The following CRACDL variants were observed in gnomAD, a reference collection of about 807,000 sequenced individuals.
The protein encoded by CRACDL is CRACD-like protein.
CRACDL carries 26 observed loss-of-function variants against 70.6 expected under a neutral mutation model. The observed-to-expected ratio is 0.37, with a 90% CI of 0.27 to 0.51. The LOEUF is 0.51. Among genes scored for constraint, CRACDL ranks in the 20% least tolerant of loss-of-function variants. The pLI is 0.94. For missense variants in CRACDL, 1,283 were observed against 1,376.9 expected (o/e 0.93, Z 1.08); for synonymous variants, 618 against 615.2 (o/e 1.00, Z -0.07).
chr2:98,924,131 C>T (rs960937499), intron 1 of CRACDL, among the ~76,000 whole-genome samples: 1 of 152,210 alleles, frequency 6.6e-6, no homozygotes, highest in Non-Finnish European at 1.5e-5. Flanking sequence ...GTTAATTATG[C>T]TGGCACATGG....
chr2:98,833,973 C>G (rs1173515104), intron 3 of CRACDL, among the ~76,000 whole-genome samples: 2 of 152,232 alleles, frequency 1.3e-5, no homozygotes, highest in Non-Finnish European at 2.9e-5. Flanking sequence ...TCTAATTAAA[C>G]TCTCACGCCT....
intron 1 of CRACDL, among the ~76,000 whole-genome samples, chr2:98,910,860 A>G (rs1439838520): frequency 6.6e-6 from 1 of 152,240 alleles, no homozygotes; most frequent in Admixed American, 6.5e-5. Flanking sequence ...GGGTGACAGG[A>G]GGATTAAATG....
chr2:98,829,464 A>G (rs1160996854), intron 5 of CRACDL, among the ~76,000 whole-genome samples: 1 of 152,092 alleles, frequency 6.6e-6, no homozygotes, highest in East Asian at 1.9e-4. Context: ...TTGATCAGTG[A>G]TGTAACTACG....
At position 98,838,187 on chromosome 2, in the gene CRACDL, A is replaced by C. The variant is rs1422357804; in HGVS notation, c.171T>G (p.Ser57Arg). 3 of 1,613,890 alleles carry C rather than the reference A, an allele frequency of 1.9e-6. No homozygotes were observed. The highest frequency in any genetic ancestry group is 2.5e-6 in the Non-Finnish European group (3 of 1,179,936). The change falls in exon 3 of 10, where the codon AGT becomes AGG. Residue 57 changes from serine to arginine, a missense_variant. Transcript: ENST00000397899. The part of the protein sequence containing the change: ...SSTGSSTWKQ[S>R]QTRNEVIAIE... The stretch of plus-strand genomic sequence containing the variant: ...TGGCAATGACCTCATTCCTCGTCTG[A>C]CTTTGTTTCCAGGTGCTACTTCCTG...
intron 7 of CRACDL, among the ~76,000 whole-genome samples, chr2:98,810,553 A>G (rs1704511051): frequency 1.3e-5 from 2 of 152,106 alleles, no homozygotes. Flanking sequence ...CATTAGGATG[A>G]CCAGAACTTG....
At chr2:98,795,071 A>AT (rs1391098955) in intron 9 of CRACDL, among the ~76,000 whole-genome samples, 4 of 22,394 alleles carry the variant, frequency 1.8e-4, no homozygotes, top group African/African-American at 3.4e-4. Flanking sequence ...ATATATATAT[A>AT]TATATATTTT....
At chr2:98,909,888 A>G (rs997991361) in intron 1 of CRACDL, among the ~76,000 whole-genome samples, 1 of 152,228 alleles carries the variant, frequency 6.6e-6, no homozygotes, top group Non-Finnish European at 1.5e-5. Flanking sequence ...AGCCAACAAC[A>G]AAAGGAATGG....
At chr2:98,807,606 C>A (rs1476372280) in intron 7 of CRACDL, among the ~76,000 whole-genome samples, 1 of 152,264 alleles carries the variant, frequency 6.6e-6, no homozygotes, top group East Asian at 1.9e-4. Context: ...CTCTCCTCCA[C>A]AGTTTACTAG....
chr2:98,852,992 G>A (rs866904321), intron 1 of CRACDL, among the ~76,000 whole-genome samples: 20 of 109,828 alleles, frequency 1.8e-4, no homozygotes, highest in African/African-American at 3.4e-4. Context: ...AGAGAGAGAG[G>A]GAGGAGAGGG....
At chr2:98,907,053 A>T (rs946295157) in intron 1 of CRACDL, among the ~76,000 whole-genome samples, 12 of 152,286 alleles carry the variant, frequency 7.9e-5, no homozygotes, top group Admixed American at 5.2e-4. Flanking sequence ...GCACTTTAGG[A>T]GGCCGAGGTG....
intron 7 of CRACDL, among the ~76,000 whole-genome samples, chr2:98,816,048 G>T (rs188372894): frequency 3.5e-5 from 5 of 143,606 alleles, no homozygotes; most frequent in Non-Finnish European, 6.4e-5. Flanking sequence ...GGCTGGTGGT[G>T]GGGGGGTGCA....
At chr2:98,811,469 C>CA (rs1208627670) in intron 7 of CRACDL, among the ~76,000 whole-genome samples, 1 of 141,646 alleles carries the variant, frequency 7.1e-6, no homozygotes, top group Non-Finnish European at 1.5e-5. Flanking sequence ...AAGATCATGC[C>CA]ACTGCACTCC....
In CRACDL at chr2:98,794,254, A is replaced by C; in HGVS notation, c.*278T>G. ...CTTCCTTGTCTGAGGCTTCTTTATCAAGGGAATTCGAAAAGACACATTCGT... is the reference window on the plus strand; with the variant it reads ...CTTCCTTGTCTGAGGCTTCTTTATCCAGGGAATTCGAAAAGACACATTCGT... On this transcript the variant is annotated 3_prime_UTR_variant, in exon 10 of 10. Coordinates refer to ENST00000397899, the MANE Select transcript of CRACDL (RefSeq NM_207362.3). The C allele has an allele frequency of 3.3e-6, 1 of 298,834 alleles. No individual in the cohort carries two copies. The allele number at this position is 298,834 out of a possible 1,614,324, so 18.5% of individuals were successfully genotyped here.
At position 98,794,585 on chromosome 2, in the gene CRACDL, G is replaced by A. The variant is rs1285591127; in HGVS notation, c.2836C>T (p.Leu946Phe). The A allele has an allele frequency of 6.2e-7, 1 of 1,613,830 alleles. No homozygotes were observed. The highest frequency in any genetic ancestry group is 8.5e-7 in the Non-Finnish European group (1 of 1,179,724). Residue 946 changes from leucine to phenylalanine, a missense_variant, in exon 10 of 10, where the codon CTT becomes TTT. Leu to Phe is a conservative substitution (Grantham distance 22). Coordinates refer to ENST00000397899, the MANE Select transcript of CRACDL (RefSeq NM_207362.3). ...ASTDQPSWME[L>F]ARKKSQAWSD... ...CAAGCTTGAGATTTCTTTCTGGCAA[G>A]TTCCATCCAGGATGGCTGATCTGTA...
chr2:98,801,032 G>T (rs1206281202), intron 7 of CRACDL, among the ~76,000 whole-genome samples: 1 of 152,168 alleles, frequency 6.6e-6, no homozygotes, highest in Non-Finnish European at 1.5e-5. Context: ...GTGGGATAAG[G>T]TAACCTGCAA....
At chr2:98,901,035 T>C (rs1358008912) in intron 1 of CRACDL, among the ~76,000 whole-genome samples, 1 of 152,156 alleles carries the variant, frequency 6.6e-6, no homozygotes, top group Non-Finnish European at 1.5e-5. Flanking sequence ...CTGCAAGCAA[T>C]GGGGTTGGCG....
At chr2:98,907,631 G>A (rs1419082853) in intron 1 of CRACDL, among the ~76,000 whole-genome samples, 1 of 152,176 alleles carries the variant, frequency 6.6e-6, no homozygotes, top group Non-Finnish European at 1.5e-5. Context: ...GGTTTTGAAG[G>A]CACTCCCAGA....
chr2:98,921,677 G>A (rs1249855236), intron 1 of CRACDL, among the ~76,000 whole-genome samples: 1 of 152,178 alleles, frequency 6.6e-6, no homozygotes, highest in African/African-American at 2.4e-5. Flanking sequence ...CCCTAAGGCT[G>A]AGGCCCCTGA....
At chr2:98,904,645 A>G (rs1031372499) in intron 1 of CRACDL, among the ~76,000 whole-genome samples, 1 of 152,224 alleles carries the variant, frequency 6.6e-6, no homozygotes, top group Non-Finnish European at 1.5e-5. Context: ...AGCCACCTTT[A>G]ATTTATTTCG....
Sources: allele counts gnomAD v4.1 joint callset (sites outside exome capture counted in the v4.1 genomes callset), GRCh38; gene constraint gnomAD v4.1.1; transcripts MANE v1.5; gene names NCBI Gene and HGNC (gene_info 2026-07-23, HGNC 2026-07-21).